The following ZNF560 variants were observed in gnomAD, a reference collection of about 807,000 sequenced individuals.
ZNF560 encodes the protein zinc finger protein 560.
Under a neutral mutation model 81.8 loss-of-function variants are expected in ZNF560, and 54 were observed. The observed-to-expected ratio is 0.66, with a 90% CI of 0.53 to 0.83. The LOEUF (loss-of-function observed/expected upper bound fraction) is 0.83. ZNF560 is among the 40% of genes least tolerant of loss of function. ZNF560 has a pLI of 0.00. For missense variants in ZNF560, 940 were observed against 932.4 expected (o/e 1.01, Z -0.11); for synonymous variants, 321 against 317.9 (o/e 1.01, Z -0.10).
chr19:9,467,668 C>T lies in ZNF560; in HGVS notation c.1279G>A (p.Ala427Thr), dbSNP rs771372963. ...TCACATTTAAAGGTTTTCTCTCTGG[C>T]GTGACATCTTATATGTTCAATAAGG... ...AGLIEHIRCH[A>T]REKTFKCDHC... The change falls in exon 10 of 10, where the codon GCC becomes ACC. Residue 427 changes from alanine to threonine, a missense_variant. Ala to Thr is a moderately conservative substitution (Grantham distance 58). Coordinates refer to ENST00000301480, the MANE Select transcript of ZNF560 (RefSeq NM_152476.3). 189 of 1,613,718 alleles carry T rather than the reference C, an allele frequency of 1.2e-4. No homozygotes were observed. The highest frequency in any genetic ancestry group is 1.5e-4 in the Non-Finnish European group (179 of 1,179,976).
At chr19:9,479,355 C>T (rs982984752) in intron 2 of ZNF560, among the ~76,000 whole-genome samples, 8 of 151,856 alleles carry the variant, frequency 5.3e-5, no homozygotes, top group African/African-American at 1.9e-4. Flanking sequence ...AAGAGACTCA[C>T]TTCATCCTTA....
At chr19:9,456,621 A>C in the ZNF560 span, among the ~76,000 whole-genome samples, 1 of 152,228 alleles carries the variant, frequency 6.6e-6, no homozygotes, top group Non-Finnish European at 1.5e-5. Context: ...TTTCAATCAT[A>C]TCTCTACATC....
At position 9,475,370 on chromosome 19, in the gene ZNF560, C is replaced by T. The variant is rs2073184497; in HGVS notation, c.-56-1G>A. 1.3e-6 allele frequency: 2 copies of T among 1,581,336 alleles called. No homozygotes were observed. The highest frequency in any genetic ancestry group is 2.7e-5 in the African/African-American group (2 of 74,182). ...AGGCAGATTGGGTTCCTAGAAAGAC[C>T]TGGAAAAGAAAGAAGGCATAAGAGC... On this transcript the variant is annotated splice_acceptor_variant, in intron 2 of 9. Coordinates refer to ENST00000301480, the MANE Select transcript of ZNF560 (RefSeq NM_152476.3). LOFTEE classifies it low-confidence loss of function (5UTR_SPLICE).
intron 5 of ZNF560, among the ~76,000 whole-genome samples, chr19:9,472,102 T>TC (rs2073132018): frequency 7.9e-6 from 1 of 125,902 alleles, no homozygotes; most frequent in South Asian, 3.1e-4. Context: ...AGAGTGAGAC[T>TC]CCGTCTCAAA....
chr19:9,476,074 T>C (rs2073197491), intron 2 of ZNF560, among the ~76,000 whole-genome samples: 3 of 152,252 alleles, frequency 2.0e-5, no homozygotes, highest in Non-Finnish European at 4.4e-5. Flanking sequence ...GAACTACTAG[T>C]GTGAATACTA....
chr19:9,457,636 C>A, the ZNF560 span, among the ~76,000 whole-genome samples: 1 of 152,202 alleles, frequency 6.6e-6, no homozygotes, highest in African/African-American at 2.4e-5. Flanking sequence ...ATTATAGCTC[C>A]TGACGCAATT....
the ZNF560 span, among the ~76,000 whole-genome samples, chr19:9,454,186 T>C: frequency 1.3e-5 from 2 of 152,358 alleles, no homozygotes; most frequent in African/African-American, 4.8e-5. Flanking sequence ...CCATAAATAA[T>C]ACATTCAGTT....
the ZNF560 span, among the ~76,000 whole-genome samples, chr19:9,448,355 C>T: frequency 1.1e-4 from 16 of 148,232 alleles, no homozygotes; most frequent in South Asian, 2.1e-4. Flanking sequence ...CCTCAGCCTC[C>T]GGAGTAGCTG....
the ZNF560 span, among the ~76,000 whole-genome samples, chr19:9,450,247 CGCTATTGCACTCCA>C: frequency 2.0e-5 from 3 of 151,098 alleles, no homozygotes; most frequent in Non-Finnish European, 4.4e-5. Context: ...GCCGAGATCG[CGCTATTGCACTCCA>C]GCCTGGGTGA....
chr19:9,472,643 G>T (rs2073140584), intron 5 of ZNF560, among the ~76,000 whole-genome samples: 2 of 152,228 alleles, frequency 1.3e-5, no homozygotes, highest in East Asian at 3.9e-4. Flanking sequence ...CAACCTCAGG[G>T]TTCCCATTGA....
downstream of ZNF560, among the ~76,000 whole-genome samples, chr19:9,463,521 G>A (rs1395220038): frequency 1.3e-5 from 2 of 152,168 alleles, no homozygotes; most frequent in Middle Eastern, 3.2e-3. Flanking sequence ...GTCACACAAG[G>A]CAATTAAGAC....
chr19:9,452,871 C>G, the ZNF560 span, among the ~76,000 whole-genome samples: 1 of 152,134 alleles, frequency 6.6e-6, no homozygotes, highest in Non-Finnish European at 1.5e-5. Context: ...ACCCATGTTA[C>G]AAACATGCAC....
chr19:9,468,607 G>A (rs1364499064), intron 9 of ZNF560, among the ~76,000 whole-genome samples: 1 of 152,082 alleles, frequency 6.6e-6, no homozygotes, highest in Non-Finnish European at 1.5e-5. Flanking sequence ...GAACATTCAT[G>A]GGAAGTCTTA....
intron 2 of ZNF560, among the ~76,000 whole-genome samples, chr19:9,475,940 C>T (rs912941241): frequency 2.6e-5 from 4 of 152,100 alleles, no homozygotes; most frequent in African/African-American, 9.7e-5. Context: ...GAATGTAAGT[C>T]TTTTTGTGCC....
At chr19:9,481,765 C>A (rs2073293092) in intron 2 of ZNF560, among the ~76,000 whole-genome samples, 1 of 152,180 alleles carries the variant, frequency 6.6e-6, no homozygotes, top group Non-Finnish European at 1.5e-5. Context: ...ATTAAAAAGT[C>A]AGGAAACAAC....
At chr19:9,485,999 T>C (rs1344655462) in intron 2 of ZNF560, among the ~76,000 whole-genome samples, 1 of 152,158 alleles carries the variant, frequency 6.6e-6, no homozygotes, top group African/African-American at 2.4e-5. Context: ...GCAGGGAGCA[T>C]CAGCACCAAA....
chr19:9,480,939 T>G (rs1291747496), intron 2 of ZNF560, among the ~76,000 whole-genome samples: 1 of 151,514 alleles, frequency 6.6e-6, no homozygotes, highest in Non-Finnish European at 1.5e-5. Flanking sequence ...CAAAAATTAG[T>G]TGGGTGTGGT....
In ZNF560 at chr19:9,489,667, G is replaced by A. The variant is rs540694244; in HGVS notation, c.-57+8461C>T. On this transcript the variant is annotated intron_variant, in intron 2 of 9. Coordinates refer to ENST00000301480, the MANE Select transcript of ZNF560 (RefSeq NM_152476.3). ...TGCAGTGGCGTGACCTCGGCTCACCGCAAGCTCCGCCTCCTAGGTTCACAC... is the reference window on the plus strand; with the variant it reads ...TGCAGTGGCGTGACCTCGGCTCACCACAAGCTCCGCCTCCTAGGTTCACAC... Among the ~76,000 whole-genome samples the A allele has an allele frequency of 1.9e-4, 29 of 151,838 alleles. No homozygotes were observed. The East Asian group carries it at 2.7e-3, about 14-fold the overall frequency.
upstream of ZNF560, among the ~76,000 whole-genome samples, chr19:9,501,693 T>G (rs150733730): frequency 4.0e-3 from 600 of 151,676 alleles, 4 homozygotes; most frequent in African/African-American, 0.014. Context: ...GAGATGAGGT[T>G]TCGCCATGTT....
Sources: allele counts gnomAD v4.1 joint callset (sites outside exome capture counted in the v4.1 genomes callset), GRCh38; gene constraint gnomAD v4.1.1; transcripts MANE v1.5; gene names NCBI Gene and HGNC (gene_info 2026-07-23, HGNC 2026-07-21).